The following ZNF407 variants were observed in gnomAD, a reference collection of about 807,000 sequenced individuals.
ZNF407 encodes zinc finger protein 407.
In ZNF407, 17 loss-of-function variants were observed where a neutral mutation model predicts 131.2. The ratio of observed to expected loss-of-function variants is 0.13; its 90% confidence interval spans 0.09 to 0.19. ZNF407 has a LOEUF of 0.19. ZNF407 is among the 10% of genes least tolerant of loss of function. The pLI is 1.00. For synonymous variants in ZNF407, 1,156 were observed against 1,062.0 expected, an observed-to-expected ratio of 1.09 and a Z score of -1.72; for missense variants, 2,681 against 2,830.6, an observed-to-expected ratio of 0.95 and a Z score of 1.20.
chr18:74,884,448 T>C (rs1971280588), intron 6 of ZNF407, among the ~76,000 whole-genome samples: 1 of 152,232 alleles, frequency 6.6e-6, no homozygotes, highest in Admixed American at 6.5e-5. Flanking sequence ...TGTGGTTGTA[T>C]AAATTGACAT....
chr18:74,854,886 T>G (rs1343226810), intron 4 of ZNF407, among the ~76,000 whole-genome samples: 1 of 152,220 alleles, frequency 6.6e-6, no homozygotes, highest in Non-Finnish European at 1.5e-5. Context: ...ACTGTCCAGA[T>G]TTCTGTTTCT....
At chr18:74,724,672 G>T (rs112563951) in intron 3 of ZNF407, among the ~76,000 whole-genome samples, 1 of 152,174 alleles carries the variant, frequency 6.6e-6, no homozygotes, top group African/African-American at 2.4e-5. Flanking sequence ...CAATATTCTT[G>T]GTAGATAGTT....
chr18:75,028,577 A>C (rs1449397962), intron 8 of ZNF407, among the ~76,000 whole-genome samples: 2 of 152,194 alleles, frequency 1.3e-5, no homozygotes, highest in Non-Finnish European at 2.9e-5. Context: ...ACGTTAAACA[A>C]ATACCTCTAA....
At chr18:74,908,938 T>C (rs1481601977) in intron 7 of ZNF407, among the ~76,000 whole-genome samples, 1 of 152,092 alleles carries the variant, frequency 6.6e-6, no homozygotes, top group Admixed American at 6.5e-5. Flanking sequence ...TAAATAAATG[T>C]AATTAACTTC....
chr18:74,632,524 G>T lies in ZNF407; in HGVS notation c.1505G>T (p.Gly502Val). ...TTSETQEAEQ[G>V]QGSARPPDSG... ...TCAGAAACCCAGGAGGCAGAGCAGG[G>T]CCAGGGGAGTGCCCGTCCTCCGGAC... The change falls in exon 2 of 9, where the codon GGC becomes GTC. Residue 502 changes from glycine to valine, a missense_variant. This residue lies in a region of ZNF407 where 1,789 missense variants were observed against 1,748.7 expected (regional missense o/e 1.02). Transcript: ENST00000299687. 6.2e-7 allele frequency: 1 copy of T among 1,614,034 alleles called. No homozygotes were observed. The highest frequency in any genetic ancestry group is 1.3e-5 in the African/African-American group (1 of 75,058).
At chr18:75,053,644 T>C (rs778223559) in intron 8 of ZNF407, among the ~76,000 whole-genome samples, 49 of 152,326 alleles carry the variant, frequency 3.2e-4, no homozygotes, top group Non-Finnish European at 5.0e-4. Flanking sequence ...AACTTAGATA[T>C]TTAGGAAAAT....
At chr18:74,731,521 C>T (rs760783625) in intron 3 of ZNF407, among the ~76,000 whole-genome samples, 3 of 152,088 alleles carry the variant, frequency 2.0e-5, no homozygotes, top group Non-Finnish European at 4.4e-5. Flanking sequence ...GAGGTTAAAC[C>T]CACTTAATGA....
chr18:74,849,452 T>C (rs1486734789), intron 4 of ZNF407, among the ~76,000 whole-genome samples: 1 of 152,126 alleles, frequency 6.6e-6, no homozygotes, highest in Non-Finnish European at 1.5e-5. Flanking sequence ...TAGAGGCATT[T>C]TGAGGTGTAA....
chr18:74,880,079 T>G (rs1420644735), intron 5 of ZNF407, among the ~76,000 whole-genome samples: 2 of 152,246 alleles, frequency 1.3e-5, no homozygotes, highest in Non-Finnish European at 2.9e-5. Context: ...TGATTTATTT[T>G]ATTTCTGGAA....
intron 4 of ZNF407, 21 bp downstream of exon 4, chr18:74,781,523 T>C: frequency 6.7e-7 from 1 of 1,483,848 alleles, no homozygotes; most frequent in Non-Finnish European, 8.9e-7. Flanking sequence ...TTCTTTTTTT[T>C]TCATTTAAAA....
chr18:74,938,231 G>T (rs1183369931), intron 8 of ZNF407, among the ~76,000 whole-genome samples: 1 of 152,042 alleles, frequency 6.6e-6, no homozygotes, highest in Non-Finnish European at 1.5e-5. Flanking sequence ...ACATATTAGG[G>T]TGATCTTATC....
rs1404381513 is a variant in ZNF407, at chr18:74,631,250, A to T, written c.231A>T (p.Lys77Asn). Residue 77 changes from lysine to asparagine, a missense_variant, in exon 2 of 9, where the codon AAA becomes AAT. Transcript: ENST00000299687. ...DRNKHASKRR[K>N]LDEAEPLKSG... ...ATAAACATGCTTCCAAACGCAGGAA[A>T]TTAGATGAGGCAGAGCCCCTTAAAT... 6.2e-7 allele frequency: 1 copy of T among 1,613,990 alleles called. No individual in the cohort carries two copies. Among genetic ancestry groups the T allele is most frequent in the Admixed American group, 1.7e-5 (1 of 60,010 alleles).
intron 8 of ZNF407, among the ~76,000 whole-genome samples, chr18:74,974,177 C>G (rs1972502921): frequency 6.6e-6 from 1 of 152,098 alleles, no homozygotes; most frequent in African/African-American, 2.4e-5. Context: ...ACCTCGAATC[C>G]TGTGTATCCT....
At chr18:74,651,829 A>T (rs781304913) in intron 3 of ZNF407, among the ~76,000 whole-genome samples, 12 of 152,162 alleles carry the variant, frequency 7.9e-5, no homozygotes, top group Non-Finnish European at 1.6e-4. Context: ...GATTTAATTG[A>T]TGCCAGAGTG....
At chr18:74,622,670 G>GA (rs1238390455) in intron 1 of ZNF407, among the ~76,000 whole-genome samples, 1 of 152,238 alleles carries the variant, frequency 6.6e-6, no homozygotes, top group Non-Finnish European at 1.5e-5. Context: ...TAGGAAGGGC[G>GA]AAGGGTGTGA....
intron 8 of ZNF407, among the ~76,000 whole-genome samples, chr18:74,980,880 C>T (rs1189533574): frequency 1.3e-5 from 2 of 152,134 alleles, no homozygotes; most frequent in Non-Finnish European, 2.9e-5. Flanking sequence ...GAGAGGAGCC[C>T]GGACAGCCTT....
intron 6 of ZNF407, among the ~76,000 whole-genome samples, chr18:74,884,871 C>T (rs746999496): frequency 6.6e-5 from 10 of 152,076 alleles, no homozygotes; most frequent in Non-Finnish European, 1.5e-4. Context: ...TTGACTTAGG[C>T]AGTGGAGTTC....
intron 3 of ZNF407, among the ~76,000 whole-genome samples, chr18:74,780,748 A>T (rs984978497): frequency 2.0e-5 from 3 of 152,122 alleles, no homozygotes; most frequent in Non-Finnish European, 4.4e-5. Context: ...TTGATACTGC[A>T]CTGTGTTCAG....
intron 8 of ZNF407, among the ~76,000 whole-genome samples, chr18:74,939,354 CA>C (rs953727374): frequency 1.4e-4 from 22 of 151,912 alleles, no homozygotes; most frequent in Non-Finnish European, 2.9e-5. Flanking sequence ...TGTTTAGAAA[CA>C]AAACATGAGA....
Sources: gnomAD v4.1 joint callset for allele counts (sites outside exome capture counted in the v4.1 genomes callset) on GRCh38, gnomAD v4.1.1 for gene constraint, gnomAD v4.1.1 regional missense constraint, MANE v1.5 for transcripts, NCBI Gene and HGNC (gene_info 2026-07-23, HGNC 2026-07-21) for gene names.